The following RBM18 variants were observed in gnomAD, a reference collection of about 807,000 sequenced individuals.
RBM18 encodes RNA binding motif protein 18.
A neutral mutation model predicts 26.4 loss-of-function variants in RBM18; 18 were observed. That is an observed-to-expected ratio of 0.68 (90% CI 0.47 to 1.01). The LOEUF (loss-of-function observed/expected upper bound fraction) is 1.01, where lower values mean the gene tolerates loss of function less well. Ranked by LOEUF, RBM18 falls within the 50% of genes least tolerant of loss-of-function variation. The pLI, the probability that RBM18 is intolerant of heterozygous loss-of-function variation, is 0.00. For synonymous variants in RBM18, 74 were observed against 81.1 expected (o/e 0.91, Z 0.47); for missense variants, 180 against 219.2 (o/e 0.82, Z 1.13).
At position 122,258,908 on chromosome 9, in the gene RBM18, C is replaced by CAAA. The variant is rs11453707; in HGVS notation, c.113+2469_113+2471dup. The stretch of plus-strand genomic sequence containing the variant: ...ACTCAAGCCTGGGTGACAGAGCTGT[C>CAAA]AAAAAAAAAAAAAAAAAAGAAGAAG... On this transcript the variant is annotated intron_variant, in intron 2 of 5. Coordinates refer to ENST00000417201, the MANE Select transcript of RBM18 (RefSeq NM_033117.4). Among the ~76,000 whole-genome samples, 53 of 109,222 alleles carry CAAA rather than the reference C, an allele frequency of 4.9e-4. 1 individual carries two copies. Among genetic ancestry groups the CAAA allele is most frequent in the African/African-American group, 1.5e-3 (40 of 26,408 alleles). 71.7% of individuals were successfully genotyped at this position (109,222 alleles called of 152,430 possible).
Position 122,241,592 on chromosome 9 carries a change from A to G in RBM18, c.*292T>C, listed in dbSNP as rs1831422704. 1 of 269,944 alleles carries G rather than the reference A, an allele frequency of 3.7e-6. No individual in the cohort carries two copies. The highest frequency in any genetic ancestry group is 6.9e-6 in the Non-Finnish European group (1 of 145,086). The allele number at this position is 269,944 out of a possible 1,614,324, so 16.7% of individuals were successfully genotyped here. A position where few individuals can be genotyped will look rare whatever the true frequency, so the allele number is the denominator to read the frequency against. The stretch of plus-strand genomic sequence containing the variant: ...TTGTGTATTTGCCTTTTGCTCTGGC[A>G]CACTATAGAATGTTTCTGGAGTTAC... On this transcript the variant is annotated 3_prime_UTR_variant, in exon 6 of 6. Transcript: ENST00000417201.
rs574174919 is a variant in RBM18, at chr9:122,261,265, C to A, written c.113+115G>T. 5.7e-6 allele frequency: 4 copies of A among 703,638 alleles called. No homozygotes were observed. In the African/African-American group the frequency reaches 7.1e-5, roughly 12 times the overall value. 43.6% of individuals were successfully genotyped at this position (703,638 alleles called of 1,614,324 possible). A position where few individuals can be genotyped will look rare whatever the true frequency, so the allele number is the denominator to read the frequency against. ...ACAACATCTTATCTCTCCGAAGACA[C>A]GATGTAAGTAAAAGGGTCTAAGTAT... On this transcript the variant is annotated intron_variant, in intron 2 of 5. Transcript: ENST00000417201.
intron 5 of RBM18, among the ~76,000 whole-genome samples, chr9:122,242,510 G>C (rs1250428868): frequency 6.6e-6 from 1 of 152,158 alleles, no homozygotes; most frequent in East Asian, 1.9e-4. Context: ...TGACTCAAAA[G>C]CCCAGGTTTC....
chr9:122,240,528 C>T lies in RBM18; in HGVS notation c.*1356G>A, dbSNP rs966603325. ...TATATTGAAAGCTTCCTCTTGCTAA[C>T]AACGATAGTGATAAACATTCTGTCA... On this transcript the variant is annotated 3_prime_UTR_variant, in exon 6 of 6. Transcript: ENST00000417201. The T allele has an allele frequency of 7.9e-5, 12 of 152,164 alleles. No individual in the cohort carries two copies. The highest frequency in any genetic ancestry group is 2.6e-4 in the Admixed American group (4 of 15,294). The allele number at this position is 152,164 out of a possible 1,614,324, so 9.4% of individuals were successfully genotyped here. A position where few individuals can be genotyped will look rare whatever the true frequency, so the allele number is the denominator to read the frequency against.
At chr9:122,258,818 C>G (rs548128177) in intron 2 of RBM18, among the ~76,000 whole-genome samples, 1 of 148,168 alleles carries the variant, frequency 6.7e-6, no homozygotes, top group Admixed American at 6.9e-5. Context: ...GGCATGGTGG[C>G]GAGCACCTGT....
chr9:122,249,895 A>G (rs1831570409), intron 3 of RBM18, among the ~76,000 whole-genome samples: 1 of 151,910 alleles, frequency 6.6e-6, no homozygotes, highest in South Asian at 2.1e-4. Context: ...ACATGGTGAA[A>G]TGCCATCTCT....
At chr9:122,255,357 C>T (rs1482613206) in intron 2 of RBM18, among the ~76,000 whole-genome samples, 2 of 152,136 alleles carry the variant, frequency 1.3e-5, no homozygotes, top group Non-Finnish European at 2.9e-5. Context: ...CAGGTTTCTT[C>T]GGGGGTGAAC....
In RBM18 at chr9:122,253,952, C is replaced by T. The variant is rs779802498; in HGVS notation, c.114-1979G>A. On this transcript the variant is annotated intron_variant, in intron 2 of 5. Transcript: ENST00000417201. Reference sequence around the variant, plus strand: ...CTGAGGCAAGAGAATCACTTGAATCCGGGAGGCAGAGGTTGCAGTGAACCG... The same window carrying T: ...CTGAGGCAAGAGAATCACTTGAATCTGGGAGGCAGAGGTTGCAGTGAACCG... 1.1e-4 allele frequency among the ~76,000 whole-genome samples: 16 copies of T among 150,598 alleles called. No homozygotes were observed. In the Middle Eastern group the frequency reaches 0.017, roughly 161 times the overall value.
At chr9:122,244,621 C>A (rs1588377829) in intron 5 of RBM18, among the ~76,000 whole-genome samples, 3 of 152,174 alleles carry the variant, frequency 2.0e-5, no homozygotes, top group Admixed American at 6.5e-5. Flanking sequence ...CTCAATAAAT[C>A]CTGGCTATTG....
intron 2 of RBM18, among the ~76,000 whole-genome samples, chr9:122,253,905 G>A (rs139610795): frequency 7.1e-4 from 108 of 151,694 alleles, no homozygotes; most frequent in African/African-American, 2.4e-3. Context: ...GCGCATGCCC[G>A]TAGTCCCAGC....
At chr9:122,263,284 C>G (rs1831859244) in intron 1 of RBM18, among the ~76,000 whole-genome samples, 1 of 152,186 alleles carries the variant, frequency 6.6e-6, no homozygotes, top group Admixed American at 6.5e-5. Context: ...CAATGTAAGT[C>G]AAGCAACTAG....
intron 3 of RBM18, among the ~76,000 whole-genome samples, chr9:122,249,837 G>A (rs550618151): frequency 7.0e-4 from 107 of 152,102 alleles, no homozygotes; most frequent in Non-Finnish European, 1.4e-3. Context: ...CTGGGAGGCA[G>A]AGAAGGGCAG....
rs1340005128 is a variant in RBM18 at position 122,251,831 on chromosome 9, G to A, written c.240+16C>T. 6.2e-7 allele frequency: 1 copy of A among 1,610,744 alleles called. No homozygotes were observed. The highest frequency in any genetic ancestry group is 1.3e-5 in the African/African-American group (1 of 74,812). On this transcript the variant is annotated intron_variant, in intron 3 of 5. Coordinates refer to ENST00000417201, the MANE Select transcript of RBM18 (RefSeq NM_033117.4). ...AGCTTGATAAATATTATAAAATGGGGAGAAAGCTTAATTACCTGCTTAGTT... is the reference window on the plus strand; with the variant it reads ...AGCTTGATAAATATTATAAAATGGGAAGAAAGCTTAATTACCTGCTTAGTT...
intron 1 of RBM18, among the ~76,000 whole-genome samples, chr9:122,262,383 T>G (rs1831813405): frequency 6.6e-6 from 1 of 152,104 alleles, no homozygotes. Context: ...TTAATACACC[T>G]AGAGCATTTA....
chr9:122,255,230 T>C (rs1831671930), intron 2 of RBM18, among the ~76,000 whole-genome samples: 2 of 152,214 alleles, frequency 1.3e-5, no homozygotes, highest in South Asian at 2.1e-4. Context: ...CATTATTATA[T>C]GGTCTTATTG....
At chr9:122,261,995 T>C (rs1831805914) in intron 1 of RBM18, among the ~76,000 whole-genome samples, 1 of 151,948 alleles carries the variant, frequency 6.6e-6, no homozygotes, top group Non-Finnish European at 1.5e-5. Context: ...AAGAAATCTG[T>C]GCGTAGACAG....
Position 122,261,519 on chromosome 9 carries a change from T to C in RBM18, c.-16-11A>G, listed in dbSNP as rs1277122912. 1 of 1,506,926 alleles carries C rather than the reference T, an allele frequency of 6.6e-7. No individual in the cohort carries two copies. 93.3% of individuals were successfully genotyped at this position (1,506,926 alleles called of 1,614,324 possible). A position where few individuals can be genotyped will look rare whatever the true frequency, so the allele number is the denominator to read the frequency against. On this transcript the variant is annotated splice_polypyrimidine_tract_variant and intron_variant, in intron 1 of 5. Transcript: ENST00000417201. The stretch of plus-strand genomic sequence containing the variant: ...AATGTCTATGAAATACTAAAGGAAA[T>C]GTGAACATTCAGGCAGGAGGGGAGT...
intron 3 of RBM18, among the ~76,000 whole-genome samples, chr9:122,250,445 T>C (rs970029103): frequency 6.6e-6 from 1 of 152,202 alleles, no homozygotes; most frequent in Admixed American, 6.5e-5. Flanking sequence ...TAGCTAACAA[T>C]TGGGGACTAG....
At position 122,245,334 on chromosome 9, in the gene RBM18, T is replaced by A. The variant is rs756907995; in HGVS notation, c.335A>T (p.Asp112Val). Residue 112 changes from aspartate (D) to valine (V), a missense_variant, in exon 5 of 6, where the codon GAT becomes GTT. By Grantham distance (152) the Asp-to-Val change is radical. Transcript: ENST00000417201. ...RWAHAQVKRY[D>V]HNKNDKILPI... ...AAGAATCTTATCATTCTTGTTATGATCATATCTCTGAAAATGAGAAATAGA... is the reference window on the plus strand; with the variant it reads ...AAGAATCTTATCATTCTTGTTATGAACATATCTCTGAAAATGAGAAATAGA... The A allele has an allele frequency of 6.2e-7, 1 of 1,603,820 alleles. No individual in the cohort carries two copies. Among genetic ancestry groups the A allele is most frequent in the South Asian group, 1.1e-5 (1 of 90,854 alleles).
Sources: gnomAD v4.1 joint callset for allele counts (sites outside exome capture counted in the v4.1 genomes callset) on GRCh38, gnomAD v4.1.1 for gene constraint, MANE v1.5 for transcripts, NCBI Gene and HGNC (gene_info 2026-07-23, HGNC 2026-07-21) for gene names.